Variants in VPS36 observed in about 807,000 individuals in gnomAD.
VPS36 encodes vacuolar protein-sorting-associated protein 36.
Under a neutral mutation model 63.5 loss-of-function variants are expected in VPS36, and 31 were observed. The ratio of observed to expected loss-of-function variants is 0.49; its 90% CI spans 0.37 to 0.66. VPS36 has a LOEUF of 0.66. Among genes scored for constraint, VPS36 ranks in the 30% least tolerant of loss-of-function variants. VPS36 has a pLI of 0.00. For missense variants in VPS36, 338 were observed against 463.7 expected, an observed-to-expected ratio of 0.73 and a Z score of 2.49; for synonymous variants, 138 against 157.2, an observed-to-expected ratio of 0.88 and a Z score of 0.91.
chr13:52,448,760 C>T (rs1434475357), intron 1 of VPS36, among the ~76,000 whole-genome samples: 1 of 152,210 alleles, frequency 6.6e-6, no homozygotes, highest in Non-Finnish European at 1.5e-5. Flanking sequence ...TCCTAGTCTT[C>T]AAATTGGAGT....
chr13:52,424,508 G>T (rs1436211454), intron 9 of VPS36, among the ~76,000 whole-genome samples: 1 of 152,020 alleles, frequency 6.6e-6, no homozygotes, highest in Non-Finnish European at 1.5e-5. Flanking sequence ...AAATACATAG[G>T]ACCAGAAAAG....
intron 12 of VPS36, chr13:52,416,337 T>G (rs935429300): frequency 6.3e-6 from 3 of 475,220 alleles, no homozygotes; most frequent in Non-Finnish European, 1.1e-5. Flanking sequence ...TCAAGCTCTC[T>G]ATAATGTAAC....
intron 8 of VPS36, among the ~76,000 whole-genome samples, chr13:52,426,630 C>T (rs1184447745): frequency 6.6e-6 from 1 of 152,096 alleles, no homozygotes; most frequent in South Asian, 2.1e-4. Flanking sequence ...CCGAGGCAGG[C>T]GGATCACGAG....
chr13:52,441,384 C>T lies in VPS36; in HGVS notation c.165+993G>A, dbSNP rs118050956. Among the ~76,000 whole-genome samples the T allele has an allele frequency of 4.6e-5, 7 of 152,208 alleles. No individual in the cohort carries two copies. The East Asian group carries it at 1.4e-3, about 29-fold the overall frequency. ...CAACACTGAGATTAATGTATATACA[C>T]TTTCAGGTTGAAGCTCTTGGGAATA... is the stretch of plus-strand genomic sequence containing the variant. On this transcript the variant is annotated intron_variant, in intron 2 of 13. Coordinates refer to ENST00000378060, the MANE Select transcript of VPS36 (RefSeq NM_016075.4).
chr13:52,417,123 A>G lies in VPS36; in HGVS notation c.924T>C (p.Ser308=). Residue 308 remains serine, a synonymous_variant, in exon 12 of 14, where the codon AGT becomes AGC. Transcript: ENST00000378060. ...KLPLRLRVFD[S]GVMVIELQSH... ...ACTGAAGCTCAATTACCATGACGCC[A>G]CTGTCAAACACACGGAGCCTGAAAA... 1.2e-6 allele frequency: 2 copies of G among 1,614,058 alleles called. No individual in the cohort carries two copies. The highest frequency in any genetic ancestry group is 1.7e-6 in the Non-Finnish European group (2 of 1,180,004).
At chr13:52,450,179 G>C (rs1200282485) in intron 1 of VPS36, 1 of 1,019,814 alleles carries the variant, frequency 9.8e-7, no homozygotes, top group African/African-American at 1.7e-5. Flanking sequence ...GACGGCGAGC[G>C]CTCCTTCTCC....
At position 52,415,928 on chromosome 13, in the gene VPS36, A is replaced by G; in HGVS notation, c.1068-5T>C. ...ATCTTCTCTGCAAGCAGCAACCTAA[A>G]AAAAAACAACAAAAAAACCCCCACA... On this transcript the variant is annotated splice_polypyrimidine_tract_variant and splice_region_variant and intron_variant, in intron 13 of 13. Transcript: ENST00000378060. The G allele has an allele frequency of 6.2e-7, 1 of 1,613,652 alleles. No individual in the cohort carries two copies. The highest frequency in any genetic ancestry group is 8.5e-7 in the Non-Finnish European group (1 of 1,179,942).
chr13:52,443,777 T>G (rs937308606), intron 1 of VPS36, among the ~76,000 whole-genome samples: 2 of 152,226 alleles, frequency 1.3e-5, no homozygotes, highest in Non-Finnish European at 2.9e-5. Flanking sequence ...GACCAAAACT[T>G]TAACCCTTAC....
At chr13:52,434,963 C>CTTT in intron 4 of VPS36, 81 bp from the exon 5 acceptor site, 3 of 1,050,622 alleles carry the variant, frequency 2.9e-6, no homozygotes, top group Non-Finnish European at 4.0e-6. Context: ...ACATTTCTTT[C>CTTT]TTTTTTTCTT....
chr13:52,442,836 A>G lies in VPS36; in HGVS notation c.97-391T>C, dbSNP rs150820481. Among the ~76,000 whole-genome samples, 1,124 of 152,358 alleles carry G rather than the reference A, an allele frequency of 7.4e-3. 6 individuals are homozygous for G. Among genetic ancestry groups the G allele is most frequent in the African/African-American group, 0.017 (700 of 41,584 alleles). On this transcript the variant is annotated intron_variant, in intron 1 of 13. Coordinates refer to ENST00000378060, the MANE Select transcript of VPS36 (RefSeq NM_016075.4). ...ATATGTGTGTGTCTGCAGACACACAAGTAGTGAAAGGGGTCTAAAAGGAAC... is the reference window on the plus strand; with the variant it reads ...ATATGTGTGTGTCTGCAGACACACAGGTAGTGAAAGGGGTCTAAAAGGAAC...
chr13:52,446,011 G>A (rs897416218), intron 1 of VPS36, among the ~76,000 whole-genome samples: 3 of 150,230 alleles, frequency 2.0e-5, no homozygotes, highest in African/African-American at 2.5e-5. Context: ...AGCACTTTGG[G>A]AGGCCGAGGC....
chr13:52,427,155 G>T (rs1813213233), intron 7 of VPS36, 32 bp downstream of exon 7: 1 of 1,609,112 alleles, frequency 6.2e-7, no homozygotes, highest in Admixed American at 1.7e-5. Flanking sequence ...ATCATAATTG[G>T]TATGAATTTA....
chr13:52,442,385 T>C lies in VPS36; in HGVS notation c.157A>G (p.Lys53Glu). The C allele has an allele frequency of 6.2e-7, 1 of 1,605,348 alleles. No individual in the cohort carries two copies. Among genetic ancestry groups the C allele is most frequent in the Non-Finnish European group, 8.5e-7 (1 of 1,177,802 alleles). Reference protein sequence around the residue: ...STHRLIWRDQKNHECCMAILL... With the variant: ...STHRLIWRDQENHECCMAILL... ...AAAAAACTGTATCTTACATGATTTT[T>C]CTGATCTCTCCAAATCAGTCGGTGT... The change falls in exon 2 of 14, where the codon AAA becomes GAA. Residue 53 changes from lysine to glutamate, a missense_variant. Physicochemically the swap from Lys to Glu is moderately conservative, Grantham distance 56. Transcript: ENST00000378060.
intron 4 of VPS36, among the ~76,000 whole-genome samples, chr13:52,435,601 TA>T (rs1958208181): frequency 6.6e-6 from 1 of 152,172 alleles, no homozygotes; most frequent in Admixed American, 6.5e-5. Context: ...AGTTAAAATA[TA>T]AAACCAAAAA....
At chr13:52,416,837 A>C (rs907922056) in intron 12 of VPS36, among the ~76,000 whole-genome samples, 4 of 152,238 alleles carry the variant, frequency 2.6e-5, no homozygotes, top group African/African-American at 9.6e-5. Flanking sequence ...TTCTCCTTAC[A>C]TGTAAGATGT....
chr13:52,421,325 TC>T (rs1958043569), intron 10 of VPS36, among the ~76,000 whole-genome samples: 1 of 151,898 alleles, frequency 6.6e-6, no homozygotes, highest in African/African-American at 2.4e-5. Flanking sequence ...AAAGTTGATC[TC>T]ATAGAAGTAG....
chr13:52,430,557 G>A (rs1447402401), intron 6 of VPS36, among the ~76,000 whole-genome samples: 4 of 151,808 alleles, frequency 2.6e-5, no homozygotes, highest in East Asian at 1.9e-4. Context: ...GCTTGAACCC[G>A]GGAGGCAGAG....
chr13:52,438,987 T>C, intron 3 of VPS36, 111 bp downstream of exon 3: 1 of 908,968 alleles, frequency 1.1e-6, no homozygotes, highest in Non-Finnish European at 1.6e-6. Flanking sequence ...CTTAGCTTTA[T>C]TCATGCTTTA....
chr13:52,436,183 G>T, intron 4 of VPS36, 107 bp downstream of exon 4: 1 of 687,692 alleles, frequency 1.5e-6, no homozygotes, highest in South Asian at 2.4e-5. Context: ...CTGGTATGTT[G>T]TATAATACTA....
Sources: gnomAD v4.1 joint callset for allele counts (sites outside exome capture counted in the v4.1 genomes callset) on GRCh38, gnomAD v4.1.1 for gene constraint, MANE v1.5 for transcripts, NCBI Gene and HGNC (gene_info 2026-07-23, HGNC 2026-07-21) for gene names.